LMBR1: variants seen among roughly 807,000 people sequenced by gnomAD.
LMBR1 encodes limb development membrane protein 1.
A neutral mutation model predicts 73.9 loss-of-function variants in LMBR1; 52 were observed. That is an observed-to-expected ratio of 0.70 (90% CI 0.56 to 0.89). The LOEUF is 0.89. Ranked by LOEUF, LMBR1 falls within the 40% of genes least tolerant of loss-of-function variation. The probability of loss-of-function intolerance (pLI) is 0.00; values close to 1 mark genes in which losing one functional copy is unlikely to be tolerated. For synonymous variants in LMBR1, 215 were observed against 209.4 expected, an observed-to-expected ratio of 1.03 and a Z score of -0.23; for missense variants, 539 against 579.8, an observed-to-expected ratio of 0.93 and a Z score of 0.72.
At chr7:156,723,174 C>T (rs1266270486) in intron 15 of LMBR1, among the ~76,000 whole-genome samples, 1 of 152,050 alleles carries the variant, frequency 6.6e-6, no homozygotes, top group Non-Finnish European at 1.5e-5. Flanking sequence ...CTATTACAAA[C>T]ATGAAATCCT....
chr7:156,830,944 A>G (rs1329804001), intron 3 of LMBR1, among the ~76,000 whole-genome samples: 2 of 152,238 alleles, frequency 1.3e-5, no homozygotes, highest in Non-Finnish European at 2.9e-5. Context: ...CCTGGACTGC[A>G]GAGAGTCAGG....
intron 15 of LMBR1, among the ~76,000 whole-genome samples, chr7:156,718,316 C>T (rs1813682675): frequency 6.6e-6 from 1 of 151,574 alleles, no homozygotes; most frequent in East Asian, 1.9e-4. Context: ...AGGAGAATCA[C>T]TTGAACCCAG....
At chr7:156,714,652 T>A (rs1337047122) in intron 15 of LMBR1, among the ~76,000 whole-genome samples, 1 of 152,140 alleles carries the variant, frequency 6.6e-6, no homozygotes, top group African/African-American at 2.4e-5. Context: ...TGTGCATGTG[T>A]GTGTGTGGTG....
At chr7:156,810,757 C>A (rs977486573) in intron 4 of LMBR1, among the ~76,000 whole-genome samples, 1 of 152,006 alleles carries the variant, frequency 6.6e-6, no homozygotes, top group East Asian at 1.9e-4. Flanking sequence ...ACTATTGTCA[C>A]TTTTCAGCCA....
intron 5 of LMBR1, chr7:156,779,764 T>G (rs1826793646): frequency 9.2e-7 from 1 of 1,089,592 alleles, no homozygotes; most frequent in South Asian, 1.3e-5. Flanking sequence ...CTTCATACAC[T>G]ATGTCTCTAC....
chr7:156,737,221 TA>T (rs1386474154), intron 9 of LMBR1, among the ~76,000 whole-genome samples: 2 of 152,200 alleles, frequency 1.3e-5, no homozygotes, highest in African/African-American at 4.8e-5. Context: ...TGATTAAGTA[TA>T]AAAAATCAAG....
At chr7:156,784,577 T>C (rs574232347) in intron 5 of LMBR1, among the ~76,000 whole-genome samples, 28 of 152,302 alleles carry the variant, frequency 1.8e-4, no homozygotes, top group African/African-American at 6.7e-4. Context: ...AGCCACATGG[T>C]TTTAATTCTC....
chr7:156,722,135 T>G (rs776476499), intron 15 of LMBR1, among the ~76,000 whole-genome samples: 19 of 152,256 alleles, frequency 1.2e-4, no homozygotes, highest in Non-Finnish European at 1.8e-4. Flanking sequence ...TGATTTTTCT[T>G]GTTACTGCAT....
At chr7:156,808,252 T>C (rs1832488652) in intron 4 of LMBR1, among the ~76,000 whole-genome samples, 1 of 152,202 alleles carries the variant, frequency 6.6e-6, no homozygotes, top group Non-Finnish European at 1.5e-5. Flanking sequence ...TTTCCGTTTT[T>C]GCTTCATGTA....
intron 1 of LMBR1, among the ~76,000 whole-genome samples, chr7:156,891,462 C>G (rs1045098047): frequency 1.3e-5 from 2 of 151,096 alleles, no homozygotes; most frequent in African/African-American, 4.9e-5. Flanking sequence ...AGAGTATATA[C>G]GGTAAGATTC....
At chr7:156,673,026 TCA>T (rs1802928207), downstream of LMBR1, among the ~76,000 whole-genome samples, 1 of 152,236 alleles carries the variant, frequency 6.6e-6, no homozygotes, top group African/African-American at 2.4e-5. Flanking sequence ...TCTGCTTTTC[TCA>T]CAGATTCCCA....
At chr7:156,806,319 ATCT>A in intron 4 of LMBR1, among the ~76,000 whole-genome samples, 1 of 152,270 alleles carries the variant, frequency 6.6e-6, no homozygotes, top group African/African-American at 2.4e-5. Context: ...TTGTATATTG[ATCT>A]TCTATCCTGC....
chr7:156,800,780 A>T, intron 4 of LMBR1, among the ~76,000 whole-genome samples: 1 of 152,212 alleles, frequency 6.6e-6, no homozygotes, highest in East Asian at 1.9e-4. Context: ...AATATCTGTG[A>T]TTCATGGGAG....
intron 5 of LMBR1, among the ~76,000 whole-genome samples, chr7:156,790,806 T>C (rs1265605339): frequency 1.3e-5 from 2 of 151,014 alleles, no homozygotes; most frequent in Non-Finnish European, 2.9e-5. Flanking sequence ...ATGTATTTAC[T>C]CTTTTCCTCA....
At chr7:156,853,056 G>T (rs1017621847) in intron 1 of LMBR1, among the ~76,000 whole-genome samples, 1 of 150,546 alleles carries the variant, frequency 6.6e-6, no homozygotes, top group Non-Finnish European at 1.5e-5. Context: ...TTCCCGCCTC[G>T]GCCTCCCAAG....
At chr7:156,849,401 C>A (rs1357588611) in intron 1 of LMBR1, among the ~76,000 whole-genome samples, 2 of 152,140 alleles carry the variant, frequency 1.3e-5, no homozygotes, top group African/African-American at 4.8e-5. Flanking sequence ...TCAGGTACTA[C>A]GTTTCTTATC....
chr7:156,700,260 G>A (rs1275430922), intron 15 of LMBR1, among the ~76,000 whole-genome samples: 1 of 152,162 alleles, frequency 6.6e-6, no homozygotes, highest in Admixed American at 6.5e-5. Flanking sequence ...GATGAAACTG[G>A]AAACCATCAT....
At chr7:156,875,321 G>A (rs181673521) in intron 1 of LMBR1, among the ~76,000 whole-genome samples, 16 of 152,254 alleles carry the variant, frequency 1.1e-4, no homozygotes, top group African/African-American at 2.9e-4. Context: ...TTGGGATTAC[G>A]TTAAGTGACC....
chr7:156,774,066 C>T (rs12697995), intron 5 of LMBR1, among the ~76,000 whole-genome samples: 1,673 of 151,950 alleles, frequency 0.011, 20 homozygotes, highest in Middle Eastern at 0.017. Flanking sequence ...TAGGAAGAGA[C>T]ACTTTTCAAA....
Sources: allele counts gnomAD v4.1 joint callset (sites outside exome capture counted in the v4.1 genomes callset), GRCh38; gene constraint gnomAD v4.1.1; transcripts MANE v1.5; gene names NCBI Gene and HGNC (gene_info 2026-07-23, HGNC 2026-07-21).